RPS6KL1: variants seen among roughly 807,000 people sequenced by gnomAD.
The protein encoded by RPS6KL1 is ribosomal protein S6 kinase like 1.
A neutral mutation model predicts 57.0 loss-of-function variants in RPS6KL1; 41 were observed. That is an observed-to-expected ratio of 0.72 (90% CI 0.56 to 0.93). RPS6KL1 has a LOEUF of 0.93. Ranked by LOEUF, RPS6KL1 falls within the 40% of genes least tolerant of loss-of-function variation. The probability of loss-of-function intolerance (pLI) is 0.00; values close to 1 mark genes in which losing one functional copy is unlikely to be tolerated. For synonymous variants in RPS6KL1, 287 were observed against 309.7 expected, an observed-to-expected ratio of 0.93 and a Z score of 0.77; for missense variants, 697 against 727.7, an observed-to-expected ratio of 0.96 and a Z score of 0.49.
Position 74,909,891 on chromosome 14 carries a change from C to G in RPS6KL1, c.922G>C (p.Ala308Pro). 6.2e-7 allele frequency: 1 copy of G among 1,613,992 alleles called. No homozygotes were observed. Among genetic ancestry groups the G allele is most frequent in the Non-Finnish European group, 8.5e-7 (1 of 1,179,908 alleles). The change falls in exon 8 of 12, where the codon GCC becomes CCC. Residue 308 changes from alanine to proline, a missense_variant. Coordinates refer to ENST00000557413, the MANE Select transcript of RPS6KL1 (RefSeq NM_031464.5). ...PQREAEGEPT[A>P]RTSTSGSSDL... The stretch of plus-strand genomic sequence containing the variant: ...GAGGAGCCAGAGGTGCTGGTCCTGG[C>G]TGTGGGTTCACCTTCAGCCTCCCTC...
chr14:74,910,989 C>T (rs2005864), intron 7 of RPS6KL1: 141,481 of 377,812 alleles, frequency 0.37, 30,123 homozygotes, highest in East Asian at 0.52. Flanking sequence ...CTCCTGCCTC[C>T]ACCTCCCAAG....
rs540880192 is a variant in RPS6KL1, at chr14:74,921,377, C to T, written c.165G>A (p.Thr55=). 3.0e-5 allele frequency: 48 copies of T among 1,614,122 alleles called. No individual in the cohort carries two copies. The South Asian group carries it at 3.3e-4, about 11-fold the overall frequency. Residue 55 remains threonine, a synonymous_variant, in exon 3 of 12, where the codon ACG becomes ACA. Coordinates refer to ENST00000557413, the MANE Select transcript of RPS6KL1 (RefSeq NM_031464.5). ...TKRDYLVDAA[T]QIRLALERDV... ...CGCGCTCCAGGGCCAGCCGGATCTG[C>T]GTGGCCGCATCCACCAGATAGTCAC... is the stretch of plus-strand genomic sequence containing the variant.
At chr14:74,907,784 A>G (rs1450832130) in intron 10 of RPS6KL1, among the ~76,000 whole-genome samples, 1 of 152,236 alleles carries the variant, frequency 6.6e-6, no homozygotes, top group Non-Finnish European at 1.5e-5. Context: ...CTTGGCTCCA[A>G]GCTTGCTAGA....
In RPS6KL1 at chr14:74,911,180, G is replaced by A. The variant is rs750006316; in HGVS notation, c.664+68C>T. ...AGCCACCACGCCCTGCCAGGGCTCC[G>A]CATTTTAAGGGTTGACGACATACCC... On this transcript the variant is annotated intron_variant, in intron 7 of 11. Transcript: ENST00000557413. 80 of 1,511,398 alleles carry A rather than the reference G, an allele frequency of 5.3e-5. 3 individuals carry two copies. The Middle Eastern group carries it at 6.8e-4, about 13-fold the overall frequency. The allele number at this position is 1,511,398 out of a possible 1,614,324, so 93.6% of individuals were successfully genotyped here.
chr14:74,909,407 C>T, intron 8 of RPS6KL1, 136 bp downstream of exon 8: 1 of 1,234,124 alleles, frequency 8.1e-7, no homozygotes, highest in Non-Finnish European at 1.1e-6. Flanking sequence ...CAGACTCCAG[C>T]CTAGGCCCCC....
rs373249466 is a variant in RPS6KL1 at position 74,911,543 on chromosome 14, G to T, written c.532-163C>A. On this transcript the variant is annotated intron_variant, in intron 6 of 11. Coordinates refer to ENST00000557413, the MANE Select transcript of RPS6KL1 (RefSeq NM_031464.5). ...CCCCCACTGCCCCTGTAGAATCTGG[G>T]TCCTCCACCCTCTAGCCAAAGAGGG... is the stretch of plus-strand genomic sequence containing the variant. 4.0e-4 allele frequency: 325 copies of T among 807,706 alleles called. 5 individuals are homozygous for T. In the South Asian group the frequency reaches 5.5e-3, roughly 14 times the overall value. The allele number at this position is 807,706 out of a possible 1,614,324, so 50.0% of individuals were successfully genotyped here.
At chr14:74,919,267 T>G (rs534545852) in intron 4 of RPS6KL1, among the ~76,000 whole-genome samples, 23 of 152,140 alleles carry the variant, frequency 1.5e-4, no homozygotes, top group Admixed American at 3.9e-4. Context: ...AGCACCTACT[T>G]TGGGGAAAGG....
Position 74,915,345 on chromosome 14 carries a change from G to A in RPS6KL1, c.483+3168C>T, listed in dbSNP as rs909711095. Reference sequence around the variant, plus strand: ...AATGAGAAGGTTCCATACAACTGTCGGGTGAGCCTTCCATTTGGGAAGATG... The same window carrying A: ...AATGAGAAGGTTCCATACAACTGTCAGGTGAGCCTTCCATTTGGGAAGATG... On this transcript the variant is annotated intron_variant, in intron 5 of 11. Coordinates refer to ENST00000557413, the MANE Select transcript of RPS6KL1 (RefSeq NM_031464.5). 7.9e-5 allele frequency among the ~76,000 whole-genome samples: 12 copies of A among 152,106 alleles called. No individual in the cohort carries two copies. In the East Asian group the frequency reaches 1.9e-3, roughly 24 times the overall value.
rs1884664798 is a variant in RPS6KL1 at position 74,905,630 on chromosome 14, A to C, written c.*1384T>G. On this transcript the variant is annotated 3_prime_UTR_variant, in exon 12 of 12. Transcript: ENST00000557413. ...TGAGCCGTGGTCATTGCATGGAAGA[A>C]GCGAGAACACCGTAGGCCAGAGCAG... 1 of 152,266 alleles carries C rather than the reference A, an allele frequency of 6.6e-6. No individual in the cohort carries two copies. Among genetic ancestry groups the C allele is most frequent in the Non-Finnish European group, 1.5e-5 (1 of 68,112 alleles). The allele number at this position is 152,266 out of a possible 1,614,324, so 9.4% of individuals were successfully genotyped here.
At position 74,907,124 on chromosome 14, in the gene RPS6KL1, G is replaced by A; in HGVS notation, c.1540C>T (p.Leu514=). Residue 514 remains leucine (L), a splice_region_variant and synonymous_variant, in exon 12 of 12, where the codon CTG becomes TTG. Transcript: ENST00000557413. ...CGCCGGGTAGGCTCGAACTGCAGCAGCTGCAGAGAGAGGCCCAGTCAGCTG... is the reference window on the plus strand; with the variant it reads ...CGCCGGGTAGGCTCGAACTGCAGCAACTGCAGAGAGAGGCCCAGTCAGCTG... The part of the protein sequence containing the change: ...SRPAASLLTE[L]LQFEPTRRLG... 1 of 1,607,220 alleles carries A rather than the reference G, an allele frequency of 6.2e-7. No homozygotes were observed. The highest frequency in any genetic ancestry group is 1.3e-5 in the African/African-American group (1 of 74,842).
chr14:74,908,649 C>T (rs775292819), intron 10 of RPS6KL1, among the ~76,000 whole-genome samples: 6 of 152,182 alleles, frequency 3.9e-5, no homozygotes, highest in African/African-American at 7.2e-5. Context: ...CCACTCTACT[C>T]GTATTCATAG....
chr14:74,907,117 T>TGCA lies in RPS6KL1; in HGVS notation c.1544_1546dup (p.Leu515dup). On this transcript the variant is annotated inframe_insertion, in exon 12 of 12. Coordinates refer to ENST00000557413, the MANE Select transcript of RPS6KL1 (RefSeq NM_031464.5). ...GCCCAGGCGCCGGGTAGGCTCGAAC[T>TGCA]GCAGCAGCTGCAGAGAGAGGCCCAG... The TGCA allele has an allele frequency of 6.2e-7, 1 of 1,609,146 alleles. No homozygotes were observed.
rs1394961431 is a variant in RPS6KL1, at chr14:74,911,376, A to C, written c.536T>G (p.Leu179Arg). 1 of 1,604,418 alleles carries C rather than the reference A, an allele frequency of 6.2e-7. No homozygotes were observed. Among genetic ancestry groups the C allele is most frequent in the Admixed American group, 1.7e-5 (1 of 59,976 alleles). The change falls in exon 7 of 12, where the codon CTA (leucine) becomes CGA (arginine). Residue 179 changes from leucine to arginine, a missense_variant. Leu to Arg is a moderately radical substitution (Grantham distance 102). Transcript: ENST00000557413. The part of the protein sequence containing the change: ...ATGGTFVVKS[L>R]PRCHMVSRER... ...CCTGCTCACCATGTGGCACCTGGGT[A>C]GGCTCTGGGAGCAGCAGGGCAGGCA...
rs1353938850 is a variant in RPS6KL1 at position 74,909,981 on chromosome 14, G to C, written c.832C>G (p.Leu278Val). ...GHAPGQDRIA[L>V]EPPRTSPNLL... ...TTCGGAGAAGTCCTAGGAGGCTCCAGGGCGATTCTGTCCTGGCCAGGGGCA... is the reference window on the plus strand; with the variant it reads ...TTCGGAGAAGTCCTAGGAGGCTCCACGGCGATTCTGTCCTGGCCAGGGGCA... The change falls in exon 8 of 12, where the codon CTG (leucine) becomes GTG (valine). Residue 278 changes from leucine (L) to valine (V), a missense_variant. By Grantham distance (32) the Leu-to-Val change is conservative. Coordinates refer to ENST00000557413, the MANE Select transcript of RPS6KL1 (RefSeq NM_031464.5). 1 of 1,614,022 alleles carries C rather than the reference G, an allele frequency of 6.2e-7. No homozygotes were observed. The highest frequency in any genetic ancestry group is 8.5e-7 in the Non-Finnish European group (1 of 1,179,990).
intron 5 of RPS6KL1, among the ~76,000 whole-genome samples, chr14:74,914,234 A>C (rs1354854939): frequency 3.3e-5 from 5 of 152,270 alleles, no homozygotes; most frequent in Admixed American, 1.3e-4. Flanking sequence ...CTCCCTGACC[A>C]AACTTGTGCA....
chr14:74,919,052 G>GT (rs1887345155), intron 4 of RPS6KL1, among the ~76,000 whole-genome samples: 2 of 152,250 alleles, frequency 1.3e-5, no homozygotes, highest in Non-Finnish European at 2.9e-5. Context: ...GCGCCTGCCT[G>GT]TAACTCCAGC....
At position 74,908,945 on chromosome 14, in the gene RPS6KL1, G is replaced by A; in HGVS notation, c.1361-13C>T. ...ATCCCACCCACCTCTGTGGGAACAAGAACACAGGTGTCCCAGCCTCACCTA... is the reference window on the plus strand; with the variant it reads ...ATCCCACCCACCTCTGTGGGAACAAAAACACAGGTGTCCCAGCCTCACCTA... On this transcript the variant is annotated splice_polypyrimidine_tract_variant and intron_variant, in intron 9 of 11. Transcript: ENST00000557413. The A allele has an allele frequency of 1.2e-6, 2 of 1,610,848 alleles. No homozygotes were observed. Among genetic ancestry groups the A allele is most frequent in the Non-Finnish European group, 1.7e-6 (2 of 1,177,752 alleles).
chr14:74,922,400 C>A lies in RPS6KL1; in HGVS notation c.-443G>T, dbSNP rs1293194463. ...GGATTGCCCCTGCTGTGTTTTGTTC[C>A]CTTGGTCCTGAGGTCAGTGTGGTCA... is the stretch of plus-strand genomic sequence containing the variant. On this transcript the variant is annotated 5_prime_UTR_variant, in exon 2 of 12. Coordinates refer to ENST00000557413, the MANE Select transcript of RPS6KL1 (RefSeq NM_031464.5). 1.0e-6 allele frequency: 1 copy of A among 973,446 alleles called. No homozygotes were observed. Among genetic ancestry groups the A allele is most frequent in the South Asian group, 4.7e-5 (1 of 21,106 alleles). The allele number at this position is 973,446 out of a possible 1,614,324, so 60.3% of individuals were successfully genotyped here.
rs1885112255 is a variant in RPS6KL1 at position 74,907,480 on chromosome 14, C to T, written c.1494G>A (p.Gln498=). ...CTGGGCGACTGAGCCACTCGGGCAG[C>T]TGGAGCTGGGTGTGGGCCTGGATTC... ...PSGIQAHTQL[Q]LPEWLSRPAA... is the part of the protein sequence containing the mutation. The change falls in exon 11 of 12, where the codon CAG becomes CAA. Residue 498 remains glutamine (Q), a synonymous_variant. Transcript: ENST00000557413. The T allele has an allele frequency of 6.3e-7, 1 of 1,589,122 alleles. No individual in the cohort carries two copies. Among genetic ancestry groups the T allele is most frequent in the East Asian group, 2.3e-5 (1 of 43,828 alleles).
Sources: allele counts gnomAD v4.1 joint callset (sites outside exome capture counted in the v4.1 genomes callset), GRCh38; gene constraint gnomAD v4.1.1; transcripts MANE v1.5; gene names NCBI Gene and HGNC (gene_info 2026-07-23, HGNC 2026-07-21).